The following DISP3 variants were observed in gnomAD, a reference collection of about 807,000 sequenced individuals.
DISP3 encodes the protein dispatched RND transporter family member 3, also known as protein dispatched homolog 3.
Under a neutral mutation model 135.3 loss-of-function variants are expected in DISP3, and 101 were observed. The ratio of observed to expected loss-of-function variants is 0.75; its 90% CI spans 0.64 to 0.88. The LOEUF is 0.88. Among genes scored for constraint, DISP3 ranks in the 40% least tolerant of loss-of-function variants. The pLI, the probability that DISP3 is intolerant of heterozygous loss-of-function variation, is 0.00. For synonymous variants in DISP3, 856 were observed against 817.0 expected (o/e 1.05, Z -0.81); for missense variants, 1,713 against 1,878.6 (o/e 0.91, Z 1.63).
intron 1 of DISP3, among the ~76,000 whole-genome samples, chr1:11,480,661 C>T (rs1640875123): frequency 7.2e-6 from 1 of 138,352 alleles, no homozygotes; most frequent in South Asian, 2.4e-4. Context: ...CACACTTCCA[C>T]CCCCAGCGCG....
chr1:11,496,189 G>A (rs1172714387), intron 1 of DISP3, among the ~76,000 whole-genome samples: 2 of 152,068 alleles, frequency 1.3e-5, no homozygotes, highest in African/African-American at 4.8e-5. Context: ...CTTGAAAGTG[G>A]GTGAAGTCTT....
chr1:11,514,180 G>C (rs1481971014), intron 3 of DISP3, among the ~76,000 whole-genome samples: 1 of 152,174 alleles, frequency 6.6e-6, no homozygotes, highest in African/African-American at 2.4e-5. Context: ...TGATGATTCA[G>C]ACCCACCCCA....
Position 11,501,814 on chromosome 1 carries a change from C to T in DISP3, c.822C>T (p.Arg274=). Residue 274 remains arginine (R), a synonymous_variant, in exon 2 of 21, where the codon CGC becomes CGT. Coordinates refer to ENST00000294484, the MANE Select transcript of DISP3 (RefSeq NM_020780.2). This position sits in a 1 kb window ranked among gnomAD's most constrained non-coding sequence, Gnocchi z 4.9. ...SANTQTHAHW[R]IELIFLARGD... is the part of the protein sequence containing the mutation. ...ACACTCAGACGCACGCGCACTGGCG[C>T]ATCGAGCTCATCTTCCTGGCGCGCG... 1 of 1,609,598 alleles carries T rather than the reference C, an allele frequency of 6.2e-7. No homozygotes were observed. Among genetic ancestry groups the T allele is most frequent in the Non-Finnish European group, 8.5e-7 (1 of 1,177,966 alleles).
chr1:11,500,947 C>T (rs1169160927), intron 1 of DISP3, 43 bp from the exon 2 acceptor site: 2 of 1,604,316 alleles, frequency 1.2e-6, no homozygotes, highest in Non-Finnish European at 1.7e-6. Context: ...GCACCTTCCC[C>T]TCACTGTCTC....
intron 1 of DISP3, among the ~76,000 whole-genome samples, chr1:11,486,891 C>G (rs1032070023): frequency 3.9e-5 from 6 of 152,166 alleles, no homozygotes; most frequent in African/African-American, 1.4e-4. Flanking sequence ...GTTGCCCAGG[C>G]TGGTCTTGAA....
In DISP3 at chr1:11,501,465, A is replaced by G; in HGVS notation, c.473A>G (p.Gln158Arg). The G allele has an allele frequency of 6.2e-7, 1 of 1,603,944 alleles. No homozygotes were observed. The highest frequency in any genetic ancestry group is 8.5e-7 in the Non-Finnish European group (1 of 1,175,564). Residue 158 changes from glutamine (Q) to arginine (R), a missense_variant, in exon 2 of 21, where the codon CAG becomes CGG. Transcript: ENST00000294484. The surrounding 1 kb of genome is among the most constrained non-coding windows in gnomAD (Gnocchi z 4.9). ...CGCCTTATCTCAGAGCAGCTGCAGC[A>G]GCTGCATCTCGGCAACCGCTCGCGG... ...LQRLISEQLQ[Q>R]LHLGNRSRQA...
chr1:11,523,974 A>G lies in DISP3; in HGVS notation c.2395A>G (p.Asn799Asp), dbSNP rs766415581. 6.2e-7 allele frequency: 1 copy of G among 1,613,122 alleles called. No homozygotes were observed. Among genetic ancestry groups the G allele is most frequent in the Non-Finnish European group, 8.5e-7 (1 of 1,179,610 alleles). ...LFQEKPHSLQ[N>D]NIRTSLEKKR... ...CCAGGAGAAGCCCCACAGCCTGCAG[A>G]ACAACATCCGGACGTCCCTGGAGAA... The change falls in exon 11 of 21, where the codon AAC becomes GAC. Residue 799 changes from asparagine to aspartate, a missense_variant. Physicochemically the swap from Asn to Asp is conservative, Grantham distance 23. Transcript: ENST00000294484.
Position 11,537,117 on chromosome 1 carries a change from A to G in DISP3, c.*431A>G, listed in dbSNP as rs1642730107. ...ACAGTGGCTGCCCTGTCGCTGGATC[A>G]GTAGCAGAGCCAGAGCTGCCTCCGA... is the stretch of plus-strand genomic sequence containing the variant. On this transcript the variant is annotated 3_prime_UTR_variant, in exon 21 of 21. Transcript: ENST00000294484. 6.0e-6 allele frequency: 1 copy of G among 166,938 alleles called. No homozygotes were observed. The highest frequency in any genetic ancestry group is 1.7e-4 in the East Asian group (1 of 5,764). 10.3% of individuals were successfully genotyped at this position (166,938 alleles called of 1,614,324 possible). A position where few individuals can be genotyped will look rare whatever the true frequency, so the allele number is the denominator to read the frequency against.
intron 3 of DISP3, among the ~76,000 whole-genome samples, chr1:11,507,019 A>G (rs1388804510): frequency 6.6e-6 from 1 of 152,050 alleles, no homozygotes; most frequent in Admixed American, 6.5e-5. Context: ...TGTTGCCCAC[A>G]CTGGTCTCAA....
chr1:11,502,577 A>C (rs902217594), intron 2 of DISP3, 101 bp from the exon 3 acceptor site: 2 of 925,954 alleles, frequency 2.2e-6, no homozygotes, highest in African/African-American at 3.3e-5. Flanking sequence ...GACAGGGGGA[A>C]TCCTGGGAGG....
At chr1:11,484,075 G>A (rs1020214929) in intron 1 of DISP3, among the ~76,000 whole-genome samples, 1 of 152,230 alleles carries the variant, frequency 6.6e-6, no homozygotes, top group Non-Finnish European at 1.5e-5. Flanking sequence ...CAAGTGCAGA[G>A]GTGAAATGCT....
intron 11 of DISP3, 149 bp downstream of exon 11, chr1:11,524,204 G>T: frequency 1.6e-6 from 1 of 626,030 alleles, no homozygotes; most frequent in Non-Finnish European, 2.7e-6. Context: ...GGGATGGGGG[G>T]TGAATTTGGG....
chr1:11,532,582 C>T (rs774773063), intron 17 of DISP3, among the ~76,000 whole-genome samples: 1 of 152,206 alleles, frequency 6.6e-6, no homozygotes, highest in Non-Finnish European at 1.5e-5. Context: ...GAGCCCTCAG[C>T]GAGCCCCCAG....
chr1:11,497,887 G>A (rs1486082022), intron 1 of DISP3, among the ~76,000 whole-genome samples: 1 of 152,192 alleles, frequency 6.6e-6, no homozygotes, highest in African/African-American at 2.4e-5. Context: ...GTTCATCGGA[G>A]ACTCCTTTTC....
In DISP3 at chr1:11,516,102, G is replaced by T. The variant is rs368099790; in HGVS notation, c.1690G>T (p.Ala564Ser). The T allele has an allele frequency of 5.9e-5, 95 of 1,614,158 alleles. 1 individual carries two copies. Among genetic ancestry groups the T allele is most frequent in the Non-Finnish European group, 8.0e-5 (94 of 1,180,014 alleles). Residue 564 changes from alanine to serine, a missense_variant, in exon 6 of 21, where the codon GCC (alanine) becomes TCC (serine). Around this residue, in one of 2 missense-constraint regions of DISP3, gnomAD observed 1,142 missense variants for 1,384.6 expected, o/e 0.82. Transcript: ENST00000294484. The surrounding 1 kb of genome is among the most constrained non-coding windows in gnomAD (Gnocchi z 5.1). ...CCACACCGTCCAAACTGCAGGCAAG[G>T]CCACCTTCTTCACCTCCCTGACCAC... Reference protein sequence around the residue: ...MIHTVQTAGKATFFTSLTTAA... With the variant: ...MIHTVQTAGKSTFFTSLTTAA...
At position 11,501,812 on chromosome 1, in the gene DISP3, C is replaced by T; in HGVS notation, c.820C>T (p.Arg274Cys). 1 of 1,608,370 alleles carries T rather than the reference C, an allele frequency of 6.2e-7. No individual in the cohort carries two copies. Among genetic ancestry groups the T allele is most frequent in the Non-Finnish European group, 8.5e-7 (1 of 1,177,140 alleles). The change falls in exon 2 of 21, where the codon CGC (arginine) becomes TGC (cysteine). Residue 274 changes from arginine to cysteine, a missense_variant. Transcript: ENST00000294484. This position sits in a 1 kb window ranked among gnomAD's most constrained non-coding sequence, Gnocchi z 4.9. ...SANTQTHAHWRIELIFLARGD... is the reference protein window; with the variant it reads ...SANTQTHAHWCIELIFLARGD... ...CAACACTCAGACGCACGCGCACTGGCGCATCGAGCTCATCTTCCTGGCGCG... is the reference window on the plus strand; with the variant it reads ...CAACACTCAGACGCACGCGCACTGGTGCATCGAGCTCATCTTCCTGGCGCG...
In DISP3 at chr1:11,535,549, C is replaced by T; in HGVS notation, c.3721C>T (p.Leu1241=). ...GATGGGGGCTGTGGAAGCCATCTCC[C>T]TGTCCATCCTCGTTGGCTCCTCCGT... ...WEMGAVEAIS[L]SILVGSSVDY... Residue 1241 remains leucine, a synonymous_variant, in exon 20 of 21, where the codon CTG becomes TTG. Coordinates refer to ENST00000294484, the MANE Select transcript of DISP3 (RefSeq NM_020780.2). 1 of 1,613,360 alleles carries T rather than the reference C, an allele frequency of 6.2e-7. No homozygotes were observed. Among genetic ancestry groups the T allele is most frequent in the South Asian group, 1.1e-5 (1 of 91,084 alleles).
At chr1:11,479,422 G>T (rs1276268904) in intron 1 of DISP3, 50 bp downstream of exon 1, 6 of 152,736 alleles carry the variant, frequency 3.9e-5, no homozygotes, top group African/African-American at 2.4e-5. Flanking sequence ...CGGGGCTGGG[G>T]GATGCATTGC....
intron 1 of DISP3, among the ~76,000 whole-genome samples, chr1:11,494,328 T>C (rs1641269982): frequency 6.6e-6 from 1 of 152,236 alleles, no homozygotes; most frequent in Non-Finnish European, 1.5e-5. Flanking sequence ...AGTTTCTGCA[T>C]TGAACTAGCT....
Sources: gnomAD v4.1 joint callset for allele counts (sites outside exome capture counted in the v4.1 genomes callset) on GRCh38, gnomAD v4.1.1 for gene constraint, gnomAD v4.1.1 regional missense constraint, Gnocchi (gnomAD v3.1) non-coding constraint, MANE v1.5 for transcripts, NCBI Gene and HGNC (gene_info 2026-07-23, HGNC 2026-07-21) for gene names.